Variants in ZNF18 observed in about 807,000 individuals in gnomAD.
The protein encoded by ZNF18 is zinc finger protein 18.
In ZNF18, 42 loss-of-function variants were observed where a neutral mutation model predicts 58.1. The observed-to-expected ratio is 0.72, with a 90% CI of 0.56 to 0.93. The LOEUF is 0.93. Ranked by LOEUF, ZNF18 falls within the 40% of genes least tolerant of loss-of-function variation. ZNF18 has a pLI of 0.00. For synonymous variants in ZNF18, 231 were observed against 239.8 expected, an observed-to-expected ratio of 0.96 and a Z score of 0.34; for missense variants, 540 against 644.2, an observed-to-expected ratio of 0.84 and a Z score of 1.75.
chr17:11,998,214 C>T (rs1968584515), upstream of ZNF18: 1 of 152,314 alleles, frequency 6.6e-6, no homozygotes, highest in African/African-American at 2.4e-5. Context: ...CTCAGTTCCA[C>T]ACCATTTGTA....
rs759267603 is a variant in ZNF18 at position 11,991,058 on chromosome 17, A to G, written c.493T>C (p.Leu165=). The G allele has an allele frequency of 5.6e-6, 9 of 1,613,726 alleles. No homozygotes were observed. Among genetic ancestry groups the G allele is most frequent in the East Asian group, 2.2e-5 (1 of 44,856 alleles). ...EPHLEVVPQE[L]GLENSSSGPG... Reference sequence around the variant, plus strand: ...CCTGAGGATGAATTCTCAAGTCCCAACTCCTGAGGCACCACTTCAAGATGG... The same window carrying G: ...CCTGAGGATGAATTCTCAAGTCCCAGCTCCTGAGGCACCACTTCAAGATGG... The change falls in exon 3 of 7, where the codon TTG becomes CTG. Residue 165 remains leucine (L), a synonymous_variant. Coordinates refer to ENST00000580306, the MANE Select transcript of ZNF18 (RefSeq NM_001303281.2).
the ZNF18 span, among the ~76,000 whole-genome samples, chr17:12,012,212 T>A: frequency 7.2e-5 from 11 of 152,346 alleles, no homozygotes; most frequent in Admixed American, 7.2e-4. Flanking sequence ...ACATTTCTCC[T>A]TCTTTAAAAC....
the ZNF18 span, among the ~76,000 whole-genome samples, chr17:12,005,784 A>G: frequency 6.6e-6 from 1 of 152,176 alleles, no homozygotes; most frequent in Non-Finnish European, 1.5e-5. Flanking sequence ...TTTTTACCAT[A>G]GACTTTTTAA....
rs1025381031 is a variant in ZNF18 at position 11,990,384 on chromosome 17, T to A, written c.666+78A>T. ...TCAGAGGTTTCCTCAGGATGGAGAA[T>A]GGGGTGAAGAGAAGCAGGAGGATGA... On this transcript the variant is annotated intron_variant, in intron 4 of 6. Coordinates refer to ENST00000580306, the MANE Select transcript of ZNF18 (RefSeq NM_001303281.2). 4.8e-6 allele frequency: 6 copies of A among 1,240,644 alleles called. No homozygotes were observed. The Middle Eastern group carries it at 9.8e-4, about 203-fold the overall frequency. 76.9% of individuals were successfully genotyped at this position (1,240,644 alleles called of 1,614,324 possible).
intron 1 of ZNF18, among the ~76,000 whole-genome samples, chr17:11,995,388 A>G (rs1447385038): frequency 1.3e-5 from 2 of 151,860 alleles, no homozygotes; most frequent in African/African-American, 2.4e-5. Flanking sequence ...CAAGAAAAAA[A>G]AAAAGAAACC....
the ZNF18 span, among the ~76,000 whole-genome samples, chr17:12,009,857 C>A: frequency 6.6e-6 from 1 of 152,248 alleles, no homozygotes; most frequent in Admixed American, 6.5e-5. Flanking sequence ...TTAAAATACA[C>A]CAAATGATCT....
chr17:11,998,921 C>T (rs1968610077), upstream of ZNF18, among the ~76,000 whole-genome samples: 1 of 151,186 alleles, frequency 6.6e-6, no homozygotes, highest in Non-Finnish European at 1.5e-5. Flanking sequence ...AGTGATCCAC[C>T]CACCTTGGCC....
upstream of ZNF18, among the ~76,000 whole-genome samples, chr17:11,998,843 T>TG (rs1968606326): frequency 1.4e-5 from 2 of 147,308 alleles, no homozygotes; most frequent in African/African-American, 5.0e-5. Flanking sequence ...TTTTTTTTTT[T>TG]TTTTGTATTT....
the ZNF18 span, chr17:12,009,228 G>A: frequency 1.3e-5 from 2 of 152,062 alleles, no homozygotes; most frequent in African/African-American, 2.4e-5. Flanking sequence ...GACATGGGTT[G>A]GTGTAGACAA....
intron 6 of ZNF18, among the ~76,000 whole-genome samples, chr17:11,983,088 C>T (rs566023394): frequency 6.6e-6 from 1 of 152,240 alleles, no homozygotes; most frequent in East Asian, 1.9e-4. Flanking sequence ...GGTCTTCCTT[C>T]CATAGTTAAA....
In ZNF18 at chr17:11,977,909, G is replaced by C; in HGVS notation, c.*48C>G. On this transcript the variant is annotated 3_prime_UTR_variant, in exon 7 of 7. Coordinates refer to ENST00000580306, the MANE Select transcript of ZNF18 (RefSeq NM_001303281.2). Reference sequence around the variant, plus strand: ...CCTCTTGATGGAGCTGAGTATTTTTGTGACTGGGCTGGGAGATAGAAATGG... The same window carrying C: ...CCTCTTGATGGAGCTGAGTATTTTTCTGACTGGGCTGGGAGATAGAAATGG... 1 of 1,520,418 alleles carries C rather than the reference G, an allele frequency of 6.6e-7. No individual in the cohort carries two copies. Among genetic ancestry groups the C allele is most frequent in the Non-Finnish European group, 8.8e-7 (1 of 1,136,360 alleles). 94.2% of individuals were successfully genotyped at this position (1,520,418 alleles called of 1,614,324 possible). A position where few individuals can be genotyped will look rare whatever the true frequency, so the allele number is the denominator to read the frequency against.
At chr17:12,012,040 A>G in the ZNF18 span, among the ~76,000 whole-genome samples, 2 of 152,168 alleles carry the variant, frequency 1.3e-5, no homozygotes, top group Non-Finnish European at 2.9e-5. Flanking sequence ...TATTATGTTC[A>G]TGACATTTAC....
intron 5 of ZNF18, 21 bp from the exon 6 acceptor site, chr17:11,983,428 G>A (rs910310986): frequency 5.1e-6 from 8 of 1,583,756 alleles, no homozygotes; most frequent in Non-Finnish European, 6.9e-6. Context: ...AAAGATGTAT[G>A]GTGGGCCTGG....
At position 11,992,930 on chromosome 17, in the gene ZNF18, T is replaced by C; in HGVS notation, c.-82-19A>G. ...CAGGACACTAAAAAGGGAATGAGAT[T>C]GAGTGCTACACAGAGGAAGGGGACA... On this transcript the variant is annotated intron_variant, in intron 1 of 6. Transcript: ENST00000580306. 1 of 1,348,910 alleles carries C rather than the reference T, an allele frequency of 7.4e-7. No homozygotes were observed. Among genetic ancestry groups the C allele is most frequent in the East Asian group, 2.4e-5 (1 of 41,196 alleles). 83.6% of individuals were successfully genotyped at this position (1,348,910 alleles called of 1,614,324 possible).
chr17:12,019,329 TG>T, the ZNF18 span, among the ~76,000 whole-genome samples: 1 of 150,724 alleles, frequency 6.6e-6, no homozygotes, highest in African/African-American at 2.5e-5. Flanking sequence ...TGTGTGTGTG[TG>T]TGTGTGTTTA....
chr17:12,011,260 A>C, the ZNF18 span: 1 of 385,192 alleles, frequency 2.6e-6, no homozygotes, highest in Non-Finnish European at 4.7e-6. Flanking sequence ...GTTCCCCTGA[A>C]TCATATTTTG....
intron 5 of ZNF18, 88 bp from the exon 6 acceptor site, chr17:11,983,495 T>A: frequency 1.0e-6 from 1 of 988,486 alleles, no homozygotes; most frequent in Admixed American, 1.8e-5. Context: ...ACCCTACGCA[T>A]GAGGGAAAAT....
At chr17:12,018,240 T>G in the ZNF18 span, among the ~76,000 whole-genome samples, 4 of 152,270 alleles carry the variant, frequency 2.6e-5, no homozygotes, top group African/African-American at 9.6e-5. Flanking sequence ...GCTACCACCA[T>G]TATTACTAAA....
intron 6 of ZNF18, among the ~76,000 whole-genome samples, chr17:11,979,594 T>G (rs567278420): frequency 1.3e-5 from 2 of 152,278 alleles, no homozygotes; most frequent in East Asian, 3.9e-4. Flanking sequence ...AATAGAAAAT[T>G]TTTATTTTGG....
Sources: gnomAD v4.1 joint callset for allele counts (sites outside exome capture counted in the v4.1 genomes callset) on GRCh38, gnomAD v4.1.1 for gene constraint, MANE v1.5 for transcripts, NCBI Gene and HGNC (gene_info 2026-07-23, HGNC 2026-07-21) for gene names.